XRN1: variants seen among roughly 807,000 people sequenced by gnomAD.
The protein encoded by XRN1 is 5'-3' exoribonuclease 1.
Under a neutral mutation model 222.3 loss-of-function variants are expected in XRN1, and 67 were observed. The observed-to-expected ratio is 0.30, with a 90% CI of 0.25 to 0.37. The LOEUF is 0.37. Ranked by LOEUF, XRN1 falls within the 10% of genes least tolerant of loss-of-function variation. The probability of loss-of-function intolerance (pLI) is 1.00; values close to 1 mark genes in which losing one functional copy is unlikely to be tolerated. For missense variants in XRN1, 1,707 were observed against 2,000.2 expected, an observed-to-expected ratio of 0.85 and a Z score of 2.80; for synonymous variants, 643 against 652.4, an observed-to-expected ratio of 0.99 and a Z score of 0.22.
Position 142,394,206 on chromosome 3 carries a change from C to A in XRN1, c.2339+3123G>T, listed in dbSNP as rs142187670. ...ACTTAGATTTCACCATCCACCACTT[C>A]AGTAACATTCTTGCCAATATTCTAA... is the stretch of plus-strand genomic sequence containing the variant. On this transcript the variant is annotated intron_variant, in intron 20 of 40. Coordinates refer to ENST00000392981, the MANE Select transcript of XRN1 (RefSeq NM_001282857.2). Among the ~76,000 whole-genome samples the A allele has an allele frequency of 1.8e-3, 272 of 152,294 alleles. 1 individual carries two copies. The highest frequency in any genetic ancestry group is 2.9e-3 in the Non-Finnish European group (199 of 68,022).
intron 18 of XRN1, among the ~76,000 whole-genome samples, chr3:142,402,042 C>A (rs1415787124): frequency 1.3e-5 from 2 of 152,164 alleles, no homozygotes; most frequent in East Asian, 1.9e-4. Flanking sequence ...TTTCTTTATG[C>A]TGAGACCATG....
chr3:142,421,520 G>C lies in XRN1; in HGVS notation c.991C>G (p.Leu331Val). ...LGGYINESGHLNLPRFEKYLV... is the reference protein window; with the variant it reads ...LGGYINESGHVNLPRFEKYLV... ...TATTTCTCAAATCGAGGTAAGTTGAGGTGCCCACTTTCATTAATATAACCT... is the reference window on the plus strand; with the variant it reads ...TATTTCTCAAATCGAGGTAAGTTGACGTGCCCACTTTCATTAATATAACCT... The change falls in exon 9 of 41, where the codon CTC (leucine) becomes GTC (valine). Residue 331 changes from leucine (L) to valine (V), a missense_variant. Physicochemically the swap from Leu to Val is conservative, Grantham distance 32. This residue lies in a region of XRN1 where 1,234 missense variants were observed against 1,518.2 expected (regional missense o/e 0.81). Coordinates refer to ENST00000392981, the MANE Select transcript of XRN1 (RefSeq NM_001282857.2). The C allele has an allele frequency of 6.2e-7, 1 of 1,608,924 alleles. No homozygotes were observed. Among genetic ancestry groups the C allele is most frequent in the East Asian group, 2.2e-5 (1 of 44,544 alleles).
chr3:142,339,367 T>A (rs1163929045), intron 33 of XRN1, among the ~76,000 whole-genome samples: 1 of 152,170 alleles, frequency 6.6e-6, no homozygotes, highest in Admixed American at 6.5e-5. Flanking sequence ...CACAGAATTA[T>A]TGGTCTAGGT....
intron 29 of XRN1, among the ~76,000 whole-genome samples, chr3:142,361,722 G>T (rs1435674131): frequency 6.6e-6 from 1 of 151,940 alleles, no homozygotes; most frequent in Non-Finnish European, 1.5e-5. Context: ...ATGCTTATTT[G>T]CCATCCATGT....
intron 37 of XRN1, among the ~76,000 whole-genome samples, chr3:142,327,154 T>C (rs565539257): frequency 6.6e-5 from 10 of 152,218 alleles, no homozygotes; most frequent in Admixed American, 6.5e-4. Flanking sequence ...CCTCCTCAAG[T>C]TTTTGGAACA....
Position 142,351,153 on chromosome 3 carries a change from G to GTATCTATC in XRN1, c.3769-3819_3769-3812dup, listed in dbSNP as rs558846275. ...TCTATGTATCTATCTATGTATCTATGTATCTATCTATCTATCTATCTATGG... is the reference window on the plus strand; with the variant it reads ...TCTATGTATCTATCTATGTATCTATGTATCTATCTATCTATCTATCTATCTATCTATGG... On this transcript the variant is annotated intron_variant, in intron 32 of 40. Transcript: ENST00000392981. Among the ~76,000 whole-genome samples, 266 of 151,770 alleles carry GTATCTATC rather than the reference G, an allele frequency of 1.8e-3. 2 individuals carry two copies. Among genetic ancestry groups the GTATCTATC allele is most frequent in the African/African-American group, 6.0e-3 (250 of 41,390 alleles).
intron 2 of XRN1, among the ~76,000 whole-genome samples, chr3:142,431,919 T>TA (rs2069594369): frequency 1.1e-5 from 1 of 94,592 alleles, no homozygotes; most frequent in African/African-American, 4.4e-5. Flanking sequence ...TATAAATATA[T>TA]ATAATATAAT....
chr3:142,355,264 A>G, intron 32 of XRN1, 137 bp downstream of exon 32: 1 of 496,344 alleles, frequency 2.0e-6, no homozygotes, highest in Non-Finnish European at 3.3e-6. Flanking sequence ...AAAAAAAGAA[A>G]AAGAAAATTC....
chr3:142,332,554 A>G lies in XRN1; in HGVS notation c.4063-20T>C, dbSNP rs993047609. On this transcript the variant is annotated intron_variant, in intron 35 of 40. Coordinates refer to ENST00000392981, the MANE Select transcript of XRN1 (RefSeq NM_001282857.2). ...TCCCTTCTTTTTGAAAATGATTCAC[A>G]TGGAGATGGTGAGGGTGAAGAGAAC... 2.5e-6 allele frequency: 4 copies of G among 1,596,764 alleles called. No individual in the cohort carries two copies. Among genetic ancestry groups the G allele is most frequent in the Middle Eastern group, 1.7e-4 (1 of 5,990 alleles).
intron 1 of XRN1, among the ~76,000 whole-genome samples, chr3:142,438,833 G>C (rs952137137): frequency 6.6e-6 from 1 of 152,116 alleles, no homozygotes; most frequent in Non-Finnish European, 1.5e-5. Flanking sequence ...TTCATTAAGA[G>C]ACAACTCGCA....
At position 142,387,792 on chromosome 3, in the gene XRN1, T is replaced by C. The variant is rs539163270; in HGVS notation, c.2340-3107A>G. Among the ~76,000 whole-genome samples, 10 of 152,258 alleles carry C rather than the reference T, an allele frequency of 6.6e-5. 1 individual carries two copies. The South Asian group carries it at 1.0e-3, about 16-fold the overall frequency. On this transcript the variant is annotated intron_variant, in intron 20 of 40. Coordinates refer to ENST00000392981, the MANE Select transcript of XRN1 (RefSeq NM_001282857.2). ...ATCCTTCATAAATGGCTTGCTGCTG[T>C]CTTCCTTGCAATGAGGAGGATACGG...
At position 142,426,859 on chromosome 3, in the gene XRN1, A is replaced by G. The variant is rs1193511932; in HGVS notation, c.309-18T>C. ...TTGCTGACCTTAAAGGTTAAGGGAA[A>G]AAAGTACCTTAAGTTTTCTGAAAAA... On this transcript the variant is annotated intron_variant, in intron 2 of 40. Coordinates refer to ENST00000392981, the MANE Select transcript of XRN1 (RefSeq NM_001282857.2). The G allele has an allele frequency of 4.4e-6, 7 of 1,601,328 alleles. No homozygotes were observed. Among genetic ancestry groups the G allele is most frequent in the Non-Finnish European group, 6.0e-6 (7 of 1,171,776 alleles).
At chr3:142,389,334 C>T (rs2067628566) in intron 20 of XRN1, among the ~76,000 whole-genome samples, 1 of 152,058 alleles carries the variant, frequency 6.6e-6, no homozygotes, top group African/African-American at 2.4e-5. Flanking sequence ...CTATTTCCAC[C>T]ACATCTGCAG....
chr3:142,316,069 T>C (rs1291047165), intron 39 of XRN1, among the ~76,000 whole-genome samples: 1 of 152,166 alleles, frequency 6.6e-6, no homozygotes, highest in Non-Finnish European at 1.5e-5. Flanking sequence ...AACAGTGTTA[T>C]CTATTTGTGG....
chr3:142,353,649 T>C (rs1371677104), intron 32 of XRN1, among the ~76,000 whole-genome samples: 4 of 152,176 alleles, frequency 2.6e-5, no homozygotes, highest in East Asian at 1.9e-4. Flanking sequence ...ACTGGACCCC[T>C]ACCTTTCAGC....
intron 1 of XRN1, among the ~76,000 whole-genome samples, chr3:142,439,960 C>T (rs1419943533): frequency 6.6e-6 from 1 of 152,220 alleles, no homozygotes; most frequent in Non-Finnish European, 1.5e-5. Context: ...GGAAGGCCCA[C>T]TACCTCAGGA....
intron 20 of XRN1, among the ~76,000 whole-genome samples, chr3:142,389,148 G>A (rs1347486049): frequency 6.6e-6 from 1 of 152,194 alleles, no homozygotes; most frequent in African/African-American, 2.4e-5. Context: ...AAGAGGTGGA[G>A]GTTGCAGTGA....
intron 33 of XRN1, among the ~76,000 whole-genome samples, chr3:142,344,222 A>G (rs1279211766): frequency 6.6e-6 from 1 of 152,164 alleles, no homozygotes; most frequent in African/African-American, 2.4e-5. Context: ...AATAAATAAG[A>G]GAACATAATT....
At position 142,421,172 on chromosome 3, in the gene XRN1, A is replaced by G; in HGVS notation, c.1036-19T>C. The G allele has an allele frequency of 6.5e-7, 1 of 1,534,240 alleles. No individual in the cohort carries two copies. ...GATCAAACTGTACAGAAATATTTAA[A>G]TTTATTTTTAAATAATTTAAGTATA... On this transcript the variant is annotated intron_variant, in intron 9 of 40. Transcript: ENST00000392981.
Sources: allele counts gnomAD v4.1 joint callset (sites outside exome capture counted in the v4.1 genomes callset), GRCh38; gene constraint gnomAD v4.1.1; regional missense constraint gnomAD v4.1.1; transcripts MANE v1.5; gene names NCBI Gene and HGNC (gene_info 2026-07-23, HGNC 2026-07-21).